The following MFSD1 variants were observed in gnomAD, a reference collection of about 807,000 sequenced individuals.
The protein encoded by MFSD1 is lysosomal dipeptide transporter MFSD1.
A neutral mutation model predicts 67.1 loss-of-function variants in MFSD1; 59 were observed. That is an observed-to-expected ratio of 0.88 (90% CI 0.71 to 1.09). The LOEUF is 1.09. Ranked by LOEUF, MFSD1 falls within the 50% of genes least tolerant of loss-of-function variation. The pLI is 0.00. For synonymous variants in MFSD1, 213 were observed against 200.3 expected (o/e 1.06, Z -0.54); for missense variants, 552 against 566.1 (o/e 0.97, Z 0.25).
chr3:158,807,633 G>A (rs1054185488), intron 5 of MFSD1, among the ~76,000 whole-genome samples, 170 bp downstream of exon 5: 2 of 152,134 alleles, frequency 1.3e-5, no homozygotes, highest in African/African-American at 2.4e-5. Context: ...TTTAAAATAA[G>A]CAACAATTTT....
chr3:158,826,142 C>G, intron 14 of MFSD1, 80 bp downstream of exon 14: 1 of 1,110,128 alleles, frequency 9.0e-7, no homozygotes, highest in Non-Finnish European at 1.4e-6. Context: ...TCTTTGGGGG[C>G]CAGTGCTTTA....
At chr3:158,809,007 A>G (rs1409402147) in intron 5 of MFSD1, 172 bp from the exon 6 acceptor site, 2 of 504,102 alleles carry the variant, frequency 4.0e-6, no homozygotes, top group African/African-American at 2.0e-5. Flanking sequence ...TCTCATTTCC[A>G]CCATATTCTA....
Position 158,823,436 on chromosome 3 carries a change from G to A in MFSD1, c.1086G>A (p.Leu362=). 2.5e-6 allele frequency: 4 copies of A among 1,612,038 alleles called. No individual in the cohort carries two copies. Among genetic ancestry groups the A allele is most frequent in the African/African-American group, 1.3e-5 (1 of 74,974 alleles). The change falls in exon 12 of 16, where the codon CTG becomes CTA. Residue 362 remains leucine, a synonymous_variant. Transcript: ENST00000415822. ...MWNPWIAMCL[L]GLSYSLLACA... is the part of the protein sequence containing the mutation. ...TGCGTTGCTTTCTGTAGTGTCTTCTGGGACTCTCCTACTCATTGCTTGCCT... is the reference window on the plus strand; with the variant it reads ...TGCGTTGCTTTCTGTAGTGTCTTCTAGGACTCTCCTACTCATTGCTTGCCT...
chr3:158,813,958 C>G lies in MFSD1; in HGVS notation c.550-7C>G. ...ATGCTGTTGTTTTTTTTTCCCTTCT[C>G]ATTTAGGGAAGTACAGTAAACATGA... is the stretch of plus-strand genomic sequence containing the variant. On this transcript the variant is annotated splice_region_variant and splice_polypyrimidine_tract_variant and intron_variant, in intron 6 of 15. Coordinates refer to ENST00000415822, the MANE Select transcript of MFSD1 (RefSeq NM_022736.4). The G allele has an allele frequency of 6.3e-7, 1 of 1,578,350 alleles. No individual in the cohort carries two copies. Among genetic ancestry groups the G allele is most frequent in the South Asian group, 1.1e-5 (1 of 88,226 alleles).
At chr3:158,808,865 G>A (rs1316885832) in intron 5 of MFSD1, 2 of 241,210 alleles carry the variant, frequency 8.3e-6, no homozygotes, top group Non-Finnish European at 1.6e-5. Context: ...TGCTGACTGG[G>A]GCACTTACAT....
chr3:158,827,419 A>ATT, intron 15 of MFSD1, 82 bp downstream of exon 15: 67 of 662,798 alleles, frequency 1.0e-4, no homozygotes, highest in Non-Finnish European at 1.4e-4. Context: ...TGGGCTTTGA[A>ATT]GTTTTTTTTT....
At chr3:158,813,434 C>G (rs1048173448) in intron 6 of MFSD1, among the ~76,000 whole-genome samples, 1 of 152,248 alleles carries the variant, frequency 6.6e-6, no homozygotes, top group Non-Finnish European at 1.5e-5. Flanking sequence ...GCATGAGCCA[C>G]TGTGCCTGGC....
rs770472876 is a variant in MFSD1, at chr3:158,807,387, A to G, written c.373-9A>G. On this transcript the variant is annotated splice_polypyrimidine_tract_variant and intron_variant, in intron 4 of 15. Coordinates refer to ENST00000415822, the MANE Select transcript of MFSD1 (RefSeq NM_022736.4). ...TTTCATTAATTTGACATGAACTTCT[A>G]CATTATAGGTTGTTTTTGCCCTGGG... 23 of 1,608,160 alleles carry G rather than the reference A, an allele frequency of 1.4e-5. No individual in the cohort carries two copies. In the African/African-American group the frequency reaches 2.7e-4, roughly 19 times the overall value.
At chr3:158,818,791 T>C (rs920318583) in intron 7 of MFSD1, among the ~76,000 whole-genome samples, 4 of 152,198 alleles carry the variant, frequency 2.6e-5, no homozygotes, top group African/African-American at 9.7e-5. Context: ...CTTCTTAGTA[T>C]TCCATCTAAT....
intron 13 of MFSD1, chr3:158,824,589 G>A (rs910414036): frequency 1.2e-5 from 2 of 161,656 alleles, no homozygotes; most frequent in Non-Finnish European, 2.7e-5. Flanking sequence ...TATTCATTAG[G>A]CAGTTTTAAC....
chr3:158,823,322 A>AAT (rs934418663), intron 11 of MFSD1, 106 bp from the exon 12 acceptor site: 72 of 795,846 alleles, frequency 9.0e-5, no homozygotes, highest in Middle Eastern at 2.3e-4. Context: ...AATTTGCTTG[A>AAT]ATATATATAT....
intron 8 of MFSD1, 147 bp downstream of exon 8, chr3:158,819,894 T>A: frequency 1.9e-6 from 1 of 527,108 alleles, no homozygotes. Flanking sequence ...TGATTTCCAC[T>A]TTTCTAAATT....
rs757031891 is a variant in MFSD1 at position 158,822,116 on chromosome 3, G to A, written c.1053G>A (p.Thr351=). Residue 351 remains threonine (T), a synonymous_variant, in exon 11 of 16, where the codon ACG becomes ACA. Transcript: ENST00000415822. ...TGTCCCACATGATGCTGGCCTTTAC[G>A]ATGTGGAACCCTTGGATTGCTATGG... The part of the protein sequence containing the change: ...TLVSHMMLAF[T]MWNPWIAMCL... 1.5e-5 allele frequency: 25 copies of A among 1,613,058 alleles called. No homozygotes were observed. In the Admixed American group the frequency reaches 2.8e-4, roughly 18 times the overall value.
At chr3:158,821,553 T>G (rs1261937518) in intron 9 of MFSD1, 44 bp from the exon 10 acceptor site, 1 of 1,243,660 alleles carries the variant, frequency 8.0e-7, no homozygotes, top group Non-Finnish European at 1.2e-6. Flanking sequence ...GAAAACAGAG[T>G]AGTTCTCTCT....
chr3:158,825,087 C>T (rs1730895411), intron 13 of MFSD1: 1 of 152,194 alleles, frequency 6.6e-6, no homozygotes, highest in Admixed American at 6.5e-5. Flanking sequence ...TGTCAGTCCA[C>T]AGTTCAACAT....
chr3:158,822,353 T>A (rs1338876076), intron 11 of MFSD1: 1 of 317,972 alleles, frequency 3.1e-6, no homozygotes, highest in Non-Finnish European at 5.6e-6. Flanking sequence ...TTTGATTTAT[T>A]TAACCAGTTA....
chr3:158,824,747 G>A (rs943271113), intron 13 of MFSD1, among the ~76,000 whole-genome samples: 5 of 152,148 alleles, frequency 3.3e-5, no homozygotes, highest in Non-Finnish European at 7.4e-5. Flanking sequence ...GTGTTTATCT[G>A]AAAAGAAAAT....
At chr3:158,802,572 G>C in intron 1 of MFSD1, 1 of 696,266 alleles carries the variant, frequency 1.4e-6, no homozygotes, top group Non-Finnish European at 2.6e-6. Context: ...TCTTCAGTAA[G>C]TCCCAGGGGC....
intron 8 of MFSD1, 85 bp downstream of exon 8, chr3:158,819,832 T>C: frequency 1.4e-6 from 1 of 691,216 alleles, no homozygotes; most frequent in African/African-American, 1.8e-5. Flanking sequence ...TAATGAAGTG[T>C]TGTAAAACCA....
Sources: gnomAD v4.1 joint callset for allele counts (sites outside exome capture counted in the v4.1 genomes callset) on GRCh38, gnomAD v4.1.1 for gene constraint, MANE v1.5 for transcripts, NCBI Gene and HGNC (gene_info 2026-07-23, HGNC 2026-07-21) for gene names.